The following RBM39 variants were observed in gnomAD, a reference collection of about 807,000 sequenced individuals.
RBM39 encodes the protein RNA-binding protein 39.
A neutral mutation model predicts 79.6 loss-of-function variants in RBM39; 12 were observed. The ratio of observed to expected loss-of-function variants is 0.15; its 90% confidence interval spans 0.10 to 0.24. RBM39 has a LOEUF of 0.24. Among genes scored for constraint, RBM39 ranks in the 10% least tolerant of loss-of-function variants. RBM39 has a pLI of 1.00. For synonymous variants in RBM39, 185 were observed against 208.4 expected (o/e 0.89, Z 0.97); for missense variants, 243 against 653.4 (o/e 0.37, Z 6.85).
chr20:35,724,268 G>T (rs762262894), intron 8 of RBM39, among the ~76,000 whole-genome samples: 1 of 151,918 alleles, frequency 6.6e-6, no homozygotes, highest in South Asian at 2.1e-4. Context: ...GGAGGTGGAG[G>T]TTGCAGTGAG....
chr20:35,725,657 C>CTTTTTT (rs773506913), intron 6 of RBM39, among the ~76,000 whole-genome samples: 2 of 122,212 alleles, frequency 1.6e-5, no homozygotes, highest in Non-Finnish European at 3.5e-5. Flanking sequence ...AACCCATTTT[C>CTTTTTT]TTTTTTTTTT....
intron 3 of RBM39, among the ~76,000 whole-genome samples, chr20:35,733,403 T>C (rs2039580868): frequency 6.7e-6 from 1 of 149,588 alleles, no homozygotes; most frequent in African/African-American, 2.5e-5. Flanking sequence ...AGGTCAGGAG[T>C]TCAAGACCAG....
chr20:35,702,168 T>TA lies in RBM39; in HGVS notation c.*2312dup, dbSNP rs935185817. 24 of 152,326 alleles carry TA rather than the reference T, an allele frequency of 1.6e-4. No homozygotes were observed. The highest frequency in any genetic ancestry group is 4.6e-4 in the Admixed American group (7 of 15,302). The allele number at this position is 152,326 out of a possible 1,614,324, so 9.4% of individuals were successfully genotyped here. Reference sequence around the variant, plus strand: ...CCCGCATTGCCCATTAAGCATTTCTTAAACAGAACTTTCAAAGATGGTAGT... The same window carrying TA: ...CCCGCATTGCCCATTAAGCATTTCTTAAAACAGAACTTTCAAAGATGGTAGT... On this transcript the variant is annotated 3_prime_UTR_variant, in exon 17 of 17. Coordinates refer to ENST00000253363, the MANE Select transcript of RBM39 (RefSeq NM_184234.3).
intron 3 of RBM39, among the ~76,000 whole-genome samples, chr20:35,738,134 C>G (rs1031496783): frequency 1.3e-5 from 2 of 149,804 alleles, no homozygotes; most frequent in Non-Finnish European, 1.5e-5. Context: ...CCAGCCTGGG[C>G]GACACTGCCA....
At position 35,713,000 on chromosome 20, in the gene RBM39, G is replaced by T. The variant is rs1308968517; in HGVS notation, c.1174+19C>A. 6.3e-7 allele frequency: 1 copy of T among 1,583,678 alleles called. No individual in the cohort carries two copies. Among genetic ancestry groups the T allele is most frequent in the Non-Finnish European group, 8.6e-7 (1 of 1,169,416 alleles). On this transcript the variant is annotated intron_variant, in intron 12 of 16. Transcript: ENST00000253363. ...TAGATGAAAAAACGATTTAAAATTA[G>T]AAAAGATTCAATTCCTACCTGCCAC...
rs1205801054 is a variant in RBM39, at chr20:35,727,417, C to T, written c.416+1895G>A. 2.9e-5 allele frequency among the ~76,000 whole-genome samples: 4 copies of T among 135,756 alleles called. No homozygotes were observed. In the South Asian group the frequency reaches 8.9e-4, roughly 30 times the overall value. The allele number at this position is 135,756 out of a possible 152,430, so 89.1% of individuals were successfully genotyped here. On this transcript the variant is annotated intron_variant, in intron 6 of 16. Transcript: ENST00000253363. ...CGGGGGTCTCAAAAAAAAAAAAAAA[C>T]ACCCACAATGCTACCACCTGACAAA...
intron 3 of RBM39, chr20:35,735,065 T>G (rs1166270714): frequency 1.3e-6 from 2 of 1,570,704 alleles, no homozygotes; most frequent in Non-Finnish European, 1.7e-6. Context: ...AGATCTAAAT[T>G]TTTAATGCAA....
At chr20:35,708,315 A>T (rs2035995751) in intron 13 of RBM39, among the ~76,000 whole-genome samples, 2 of 152,120 alleles carry the variant, frequency 1.3e-5, no homozygotes, top group Admixed American at 1.3e-4. Flanking sequence ...ATCCTTAAAA[A>T]AAACTAGAAA....
chr20:35,720,246 C>G (rs2037734588), intron 9 of RBM39, among the ~76,000 whole-genome samples: 1 of 152,212 alleles, frequency 6.6e-6, no homozygotes, highest in Non-Finnish European at 1.5e-5. Flanking sequence ...GTTGGACACT[C>G]TTGGTTTAGG....
chr20:35,724,478 G>A (rs367594436), intron 8 of RBM39, 92 bp downstream of exon 8: 2 of 1,183,202 alleles, frequency 1.7e-6, no homozygotes, highest in Non-Finnish European at 2.3e-6. Flanking sequence ...AACGTAATGA[G>A]CAGCAGTCAC....
intron 8 of RBM39, among the ~76,000 whole-genome samples, chr20:35,722,656 G>A (rs112121639): frequency 0.01 from 1,537 of 151,612 alleles, 16 homozygotes; most frequent in Middle Eastern, 0.027. Flanking sequence ...CAGGCTGGCC[G>A]GGTGCAGTGT....
intron 3 of RBM39, chr20:35,734,553 A>C (rs1351560024): frequency 4.3e-6 from 1 of 234,958 alleles, no homozygotes; most frequent in African/African-American, 2.3e-5. Flanking sequence ...TCTGCTCTAG[A>C]TGGGCTATAG....
chr20:35,719,464 C>T (rs958622776), intron 9 of RBM39, among the ~76,000 whole-genome samples: 3 of 152,102 alleles, frequency 2.0e-5, no homozygotes, highest in Non-Finnish European at 4.4e-5. Context: ...CACTTTGGGA[C>T]ACCGAGGCGG....
Position 35,740,828 on chromosome 20 carries a change from T to C in RBM39, c.47A>G (p.Lys16Arg), listed in dbSNP as rs750435766. The C allele has an allele frequency of 6.8e-6, 11 of 1,611,516 alleles. No individual in the cohort carries two copies. The Admixed American group carries it at 1.0e-4, about 15-fold the overall frequency. ...DIEAMLEAPYKKDENKLSSAN... is the reference protein window; with the variant it reads ...DIEAMLEAPYRKDENKLSSAN... ...CACCGACATGTTTTTTCTCACCTTC[T>C]TGTAAGGAGCCTCAAGCATTGCTTC... Residue 16 changes from lysine to arginine, a missense_variant, in exon 2 of 17, where the codon AAG (lysine) becomes AGG (arginine). By Grantham distance (26) the Lys-to-Arg change is conservative (BLOSUM62 2). This residue lies in a region of RBM39 where 115 missense variants were observed against 184.1 expected (regional missense o/e 0.62). Coordinates refer to ENST00000253363, the MANE Select transcript of RBM39 (RefSeq NM_184234.3).
chr20:35,727,009 T>C (rs1339328502), intron 6 of RBM39, among the ~76,000 whole-genome samples: 2 of 151,634 alleles, frequency 1.3e-5, no homozygotes, highest in Admixed American at 6.6e-5. Flanking sequence ...ACTTTATTAG[T>C]AGAGATGGGG....
At chr20:35,734,767 G>A in intron 3 of RBM39, 1 of 1,280,870 alleles carries the variant, frequency 7.8e-7, no homozygotes, top group Non-Finnish European at 1.0e-6. Flanking sequence ...ACAATCTTTT[G>A]CATAAAAGCC....
intron 3 of RBM39, chr20:35,736,366 AG>A (rs1320699723): frequency 6.8e-6 from 2 of 292,354 alleles, no homozygotes; most frequent in Non-Finnish European, 1.4e-5. Context: ...ACCAGAAAAA[AG>A]GAGCACATTT....
In RBM39 at chr20:35,741,032, T is replaced by TTTTTTATTTTTA. The variant is rs2040458233; in HGVS notation, c.-13-146_-13-145insTAAAAATAAAAA. ...CGATTCCGTGAGTAAACATTTTTCT[T>TTTTTTATTTTTA]TTTTTTTTTTTTTTTTTTTGAGACG... On this transcript the variant is annotated intron_variant, in intron 1 of 16. Transcript: ENST00000253363. The TTTTTTATTTTTA allele has an allele frequency of 1.6e-5, 5 of 316,774 alleles. No individual in the cohort carries two copies. The Admixed American group carries it at 3.3e-4, about 21-fold the overall frequency. The allele number at this position is 316,774 out of a possible 1,614,324, so 19.6% of individuals were successfully genotyped here. A position where few individuals can be genotyped will look rare whatever the true frequency, so the allele number is the denominator to read the frequency against.
chr20:35,725,059 C>T lies in RBM39; in HGVS notation c.513G>A (p.Glu171=), dbSNP rs180826538. The change falls in exon 7 of 17, where the codon GAG becomes GAA. Residue 171 remains glutamate, a synonymous_variant. Coordinates refer to ENST00000253363, the MANE Select transcript of RBM39 (RefSeq NM_184234.3). The stretch of plus-strand genomic sequence containing the variant: ...TTACCTTTCCTACTGTAGAGAAAAA[C>T]TCTTCCAAATCCCTTGGTCGAATTC... ...AARIRPRDLE[E]FFSTVGKVRD... is the part of the protein sequence containing the mutation. 210 of 1,611,214 alleles carry T rather than the reference C, an allele frequency of 1.3e-4. 1 individual carries two copies. The Middle Eastern group carries it at 2.3e-3, about 17-fold the overall frequency.
Sources: gnomAD v4.1 joint callset for allele counts (sites outside exome capture counted in the v4.1 genomes callset) on GRCh38, gnomAD v4.1.1 for gene constraint, gnomAD v4.1.1 regional missense constraint, MANE v1.5 for transcripts, NCBI Gene and HGNC (gene_info 2026-07-23, HGNC 2026-07-21) for gene names.